HS6ST3: variants seen among roughly 807,000 people sequenced by gnomAD.
The protein encoded by HS6ST3 is heparan sulfate 6-O-sulfotransferase 3, also known as heparan-sulfate 6-O-sulfotransferase 3.
HS6ST3 carries 12 observed loss-of-function variants against 36.7 expected under a neutral mutation model. The observed-to-expected ratio is 0.33, with a 90% CI of 0.21 to 0.53. The LOEUF (loss-of-function observed/expected upper bound fraction) is 0.53. Ranked by LOEUF, HS6ST3 falls within the 20% of genes least tolerant of loss-of-function variation. The pLI, the probability that HS6ST3 is intolerant of heterozygous loss-of-function variation, is 0.95. For synonymous variants in HS6ST3, 240 were observed against 257.5 expected (o/e 0.93, Z 0.65); for missense variants, 584 against 640.9 (o/e 0.91, Z 0.96).
At chr13:96,756,251 C>T (rs1230449175) in intron 1 of HS6ST3, among the ~76,000 whole-genome samples, 1 of 152,048 alleles carries the variant, frequency 6.6e-6, no homozygotes, top group Non-Finnish European at 1.5e-5. Flanking sequence ...TTTATATATT[C>T]TGCATACAAA....
chr13:96,329,789 G>T (rs1221880801), intron 1 of HS6ST3, among the ~76,000 whole-genome samples: 2 of 119,168 alleles, frequency 1.7e-5, no homozygotes, highest in African/African-American at 6.9e-5. Flanking sequence ...GGGTGTTAAA[G>T]TCTCCCATTA....
chr13:96,346,243 A>G (rs1013542876), intron 1 of HS6ST3, among the ~76,000 whole-genome samples: 1 of 152,152 alleles, frequency 6.6e-6, no homozygotes, highest in Non-Finnish European at 1.5e-5. Flanking sequence ...TATCTATTGG[A>G]ACTAGTTGTG....
intron 1 of HS6ST3, among the ~76,000 whole-genome samples, chr13:96,287,798 T>C (rs1392865068): frequency 1.3e-5 from 2 of 152,168 alleles, no homozygotes; most frequent in African/African-American, 4.8e-5. Context: ...AATTCTTTAC[T>C]TTTTTAATGA....
At chr13:96,366,448 C>CAAATAAAT (rs3086049) in intron 1 of HS6ST3, among the ~76,000 whole-genome samples, 70,403 of 148,386 alleles carry the variant, frequency 0.47, 17,045 homozygotes, top group Middle Eastern at 0.58. Context: ...GACCTTGTCT[C>CAAATAAAT]AAATAAATAA....
At chr13:96,743,353 C>T (rs574115409) in intron 1 of HS6ST3, among the ~76,000 whole-genome samples, 1 of 152,070 alleles carries the variant, frequency 6.6e-6, no homozygotes, top group Non-Finnish European at 1.5e-5. Flanking sequence ...GGATATTGAA[C>T]AGTCACTCGG....
At chr13:96,381,701 G>T (rs971380013) in intron 1 of HS6ST3, among the ~76,000 whole-genome samples, 1 of 152,188 alleles carries the variant, frequency 6.6e-6, no homozygotes, top group Admixed American at 6.5e-5. Flanking sequence ...AGCTGTGGCT[G>T]TGGAGTCTTA....
intron 1 of HS6ST3, among the ~76,000 whole-genome samples, chr13:96,504,363 G>A (rs1179961181): frequency 6.6e-6 from 1 of 152,066 alleles, no homozygotes; most frequent in Non-Finnish European, 1.5e-5. Context: ...CTGGTGTATT[G>A]TGAATAAGGG....
intron 1 of HS6ST3, among the ~76,000 whole-genome samples, chr13:96,606,959 T>C (rs2056441371): frequency 6.6e-6 from 1 of 151,964 alleles, no homozygotes; most frequent in South Asian, 2.1e-4. Flanking sequence ...ATGACAAATA[T>C]TGAAGACAAG....
At chr13:96,231,880 C>T (rs1343096499) in intron 1 of HS6ST3, among the ~76,000 whole-genome samples, 2 of 152,118 alleles carry the variant, frequency 1.3e-5, no homozygotes, top group Non-Finnish European at 2.9e-5. Flanking sequence ...TCTGTACTGA[C>T]CAGTCATAAA....
At chr13:96,667,213 AAGT>A (rs1181734247) in intron 1 of HS6ST3, among the ~76,000 whole-genome samples, 1 of 152,350 alleles carries the variant, frequency 6.6e-6, no homozygotes, top group Non-Finnish European at 1.5e-5. Context: ...AAATAGCAGT[AAGT>A]AGCAGACAAC....
At chr13:96,493,385 C>A (rs976434495) in intron 1 of HS6ST3, among the ~76,000 whole-genome samples, 4 of 152,040 alleles carry the variant, frequency 2.6e-5, no homozygotes, top group Admixed American at 2.0e-4. Context: ...GCCAATAGAG[C>A]GTTTTGCTAC....
At chr13:96,794,228 C>A (rs1877857672) in intron 1 of HS6ST3, among the ~76,000 whole-genome samples, 1 of 152,014 alleles carries the variant, frequency 6.6e-6, no homozygotes, top group Non-Finnish European at 1.5e-5. Flanking sequence ...ATTTTTCAAT[C>A]CCTGATCACT....
chr13:96,230,953 AG>A (rs1462296944), intron 1 of HS6ST3, among the ~76,000 whole-genome samples: 1 of 152,204 alleles, frequency 6.6e-6, no homozygotes, highest in East Asian at 1.9e-4. Context: ...TGACAAATAT[AG>A]TGGTTGAGGA....
chr13:96,189,672 A>G (rs1177271351), intron 1 of HS6ST3, among the ~76,000 whole-genome samples: 10 of 152,256 alleles, frequency 6.6e-5, no homozygotes, highest in Admixed American at 5.9e-4. Context: ...TGCTCATGTT[A>G]CTTGTGGCTG....
At chr13:96,528,006 A>T (rs2056120978) in intron 1 of HS6ST3, among the ~76,000 whole-genome samples, 1 of 152,192 alleles carries the variant, frequency 6.6e-6, no homozygotes, top group Non-Finnish European at 1.5e-5. Context: ...GCCATTCAGG[A>T]CCAACACACA....
chr13:96,501,996 A>G (rs778516762), intron 1 of HS6ST3, among the ~76,000 whole-genome samples: 1 of 152,210 alleles, frequency 6.6e-6, no homozygotes, highest in Non-Finnish European at 1.5e-5. Flanking sequence ...CTTTAGACCT[A>G]TAGCCAAACA....
rs191481258 is a variant in HS6ST3, at chr13:96,662,501, G to T, written c.708-169989G>T. Among the ~76,000 whole-genome samples, 9 of 112,840 alleles carry T rather than the reference G, an allele frequency of 8.0e-5. No individual in the cohort carries two copies. The East Asian group carries it at 2.4e-3, about 31-fold the overall frequency. The allele number at this position is 112,840 out of a possible 152,430, so 74.0% of individuals were successfully genotyped here. A position where few individuals can be genotyped will look rare whatever the true frequency, so the allele number is the denominator to read the frequency against. ...ATCTCTTCTTTCATATCATGTTTGT[G>T]TGTGTGTGTATGGGGTGTGTGTGTG... On this transcript the variant is annotated intron_variant, in intron 1 of 1. Coordinates refer to ENST00000376705, the MANE Select transcript of HS6ST3 (RefSeq NM_153456.4).
intron 1 of HS6ST3, among the ~76,000 whole-genome samples, chr13:96,354,339 A>G (rs1231105546): frequency 6.6e-6 from 1 of 152,170 alleles, no homozygotes; most frequent in Non-Finnish European, 1.5e-5. Context: ...TTATTTTTGT[A>G]CATTTGAAAT....
At chr13:96,128,477 G>A (rs2053961703) in intron 1 of HS6ST3, among the ~76,000 whole-genome samples, 1 of 152,120 alleles carries the variant, frequency 6.6e-6, no homozygotes, top group African/African-American at 2.4e-5. Context: ...CTGGATGTCG[G>A]CTGAGGCTCT....
Sources: gnomAD v4.1 joint callset for allele counts (sites outside exome capture counted in the v4.1 genomes callset) on GRCh38, gnomAD v4.1.1 for gene constraint, MANE v1.5 for transcripts, NCBI Gene and HGNC (gene_info 2026-07-23, HGNC 2026-07-21) for gene names.